IQCB1: variants seen among roughly 807,000 people sequenced by gnomAD.
The protein encoded by IQCB1 is IQ calmodulin-binding motif-containing protein 1.
A neutral mutation model predicts 84.4 loss-of-function variants in IQCB1; 56 were observed. That is an observed-to-expected ratio of 0.66 (90% CI 0.54 to 0.83). The LOEUF (loss-of-function observed/expected upper bound fraction) is 0.83. Ranked by LOEUF, IQCB1 falls within the 40% of genes least tolerant of loss-of-function variation. The probability of loss-of-function intolerance (pLI) is 0.00; values close to 1 mark genes in which losing one functional copy is unlikely to be tolerated. For synonymous variants in IQCB1, 210 were observed against 234.8 expected (o/e 0.89, Z 0.96); for missense variants, 629 against 682.1 (o/e 0.92, Z 0.87).
At chr3:121,786,179 A>AGAAAGAAAAGAAACGAAACGAAACGAAAC (rs1948718543) in intron 12 of IQCB1, among the ~76,000 whole-genome samples, 3 of 127,530 alleles carry the variant, frequency 2.4e-5, no homozygotes, top group Admixed American at 1.6e-4. Flanking sequence ...TCAAAAGAAA[A>AGAAAGAAAAGAAACGAAACGAAACGAAAC]GAAAAGAAAA....
At chr3:121,809,054 TC>T in intron 5 of IQCB1, 45 bp from the exon 6 acceptor site, 2 of 1,218,904 alleles carry the variant, frequency 1.6e-6, no homozygotes, top group Non-Finnish European at 2.4e-6. Flanking sequence ...ATAGTTTTTT[TC>T]CTTTTTTTTT....
At chr3:121,786,254 C>T (rs1469167822) in intron 12 of IQCB1, among the ~76,000 whole-genome samples, 2 of 144,830 alleles carry the variant, frequency 1.4e-5, no homozygotes, top group African/African-American at 2.6e-5. Flanking sequence ...CCTTTATTGA[C>T]TATTGCCTTG....
At chr3:121,807,469 G>T (rs774483600) in intron 6 of IQCB1, 26 bp from the exon 7 acceptor site, 3 of 1,122,578 alleles carry the variant, frequency 2.7e-6, no homozygotes, top group Non-Finnish European at 2.7e-6. Context: ...AAAAAAGAAA[G>T]ATTAAAGTAA....
Position 121,781,923 on chromosome 3 carries a change from A to G in IQCB1, c.1279-49T>C, listed in dbSNP as rs1469190667. On this transcript the variant is annotated intron_variant, in intron 12 of 14. Coordinates refer to ENST00000310864, the MANE Select transcript of IQCB1 (RefSeq NM_001023570.4). ...TTGTGATTTTTCTCCCCTAACTAAT[A>G]GAACTATTTTCTCACTACAACATAT... is the stretch of plus-strand genomic sequence containing the variant. The G allele has an allele frequency of 4.4e-6, 7 of 1,584,050 alleles. No homozygotes were observed. In the East Asian group the frequency reaches 1.6e-4, roughly 36 times the overall value.
chr3:121,772,336 C>T (rs1265034526), intron 14 of IQCB1, among the ~76,000 whole-genome samples: 1 of 152,110 alleles, frequency 6.6e-6, no homozygotes, highest in South Asian at 2.1e-4. Context: ...TGGGGTGACA[C>T]ATATGAATGA....
At chr3:121,824,039 T>G (rs1346997889) in intron 5 of IQCB1, among the ~76,000 whole-genome samples, 1 of 152,162 alleles carries the variant, frequency 6.6e-6, no homozygotes, top group Non-Finnish European at 1.5e-5. Context: ...AACAACAGCT[T>G]GTCAGACTAG....
intron 7 of IQCB1, among the ~76,000 whole-genome samples, chr3:121,803,662 C>G (rs1432768449): frequency 6.6e-6 from 1 of 152,140 alleles, no homozygotes; most frequent in East Asian, 1.9e-4. Flanking sequence ...TAAACACATC[C>G]TTTTGATGAA....
chr3:121,795,415 T>A, intron 10 of IQCB1, 42 bp downstream of exon 10: 1 of 988,738 alleles, frequency 1.0e-6, no homozygotes, highest in Non-Finnish European at 1.6e-6. Flanking sequence ...TGTACTCTAG[T>A]AAGATTCTAT....
At chr3:121,825,593 C>A (rs1400475792) in intron 5 of IQCB1, among the ~76,000 whole-genome samples, 1 of 152,044 alleles carries the variant, frequency 6.6e-6, no homozygotes, top group Non-Finnish European at 1.5e-5. Flanking sequence ...TGTATAGCAT[C>A]TAGCATAATG....
chr3:121,773,852 TTTC>T (rs1036301137), intron 13 of IQCB1, among the ~76,000 whole-genome samples: 4 of 152,002 alleles, frequency 2.6e-5, no homozygotes, highest in Non-Finnish European at 5.9e-5. Context: ...TTGGTGATGA[TTTC>T]TTCATACGAC....
At chr3:121,775,238 T>C (rs1948175469) in intron 13 of IQCB1, among the ~76,000 whole-genome samples, 1 of 152,270 alleles carries the variant, frequency 6.6e-6, no homozygotes, top group South Asian at 2.1e-4. Flanking sequence ...GCTAATATGA[T>C]TGATCAGCAC....
intron 10 of IQCB1, among the ~76,000 whole-genome samples, chr3:121,791,463 ATT>A (rs1275648237): frequency 6.6e-6 from 1 of 152,164 alleles, no homozygotes; most frequent in Non-Finnish European, 1.5e-5. Context: ...TAGAGAATTT[ATT>A]TGTTTTGAAA....
At chr3:121,807,101 T>C (rs1245095335) in intron 7 of IQCB1, among the ~76,000 whole-genome samples, 3 of 151,922 alleles carry the variant, frequency 2.0e-5, no homozygotes, top group Non-Finnish European at 4.4e-5. Context: ...TAATAATAAA[T>C]TTCCAGTCTT....
chr3:121,832,218 C>A (rs909766223), intron 2 of IQCB1, among the ~76,000 whole-genome samples: 1 of 151,984 alleles, frequency 6.6e-6, no homozygotes, highest in African/African-American at 2.4e-5. Context: ...TTTGCAGAAG[C>A]TTTTCATACA....
At chr3:121,786,708 T>C (rs1258368923) in intron 12 of IQCB1, among the ~76,000 whole-genome samples, 12 of 152,132 alleles carry the variant, frequency 7.9e-5, no homozygotes, top group Non-Finnish European at 5.9e-5. Context: ...CAATGGAAAG[T>C]ATAAAAGCCA....
Position 121,770,236 on chromosome 3 carries a change from C to G in IQCB1, c.*109G>C. ...ACTGCAGGTCTTGTCTGGAGGAGAA[C>G]CTCTGGAAAATAATAAGTTAGGATG... On this transcript the variant is annotated 3_prime_UTR_variant, in exon 15 of 15. Coordinates refer to ENST00000310864, the MANE Select transcript of IQCB1 (RefSeq NM_001023570.4). 1.4e-6 allele frequency: 1 copy of G among 734,848 alleles called. No individual in the cohort carries two copies. Among genetic ancestry groups the G allele is most frequent in the Non-Finnish European group, 2.4e-6 (1 of 421,102 alleles). The allele number at this position is 734,848 out of a possible 1,614,324, so 45.5% of individuals were successfully genotyped here.
intron 10 of IQCB1, among the ~76,000 whole-genome samples, chr3:121,793,225 G>C (rs538935601): frequency 7.6e-4 from 116 of 152,334 alleles, no homozygotes; most frequent in Middle Eastern, 3.4e-3. Context: ...TAGAGCAGCT[G>C]TTAGCCGCTT....
At chr3:121,782,611 C>T (rs1050294874) in intron 12 of IQCB1, among the ~76,000 whole-genome samples, 8 of 151,556 alleles carry the variant, frequency 5.3e-5, no homozygotes, top group African/African-American at 1.9e-4. Flanking sequence ...TTTAGTGGCA[C>T]GTAAAATTAT....
chr3:121,828,972 C>G lies in IQCB1; in HGVS notation c.-12G>C. 6.6e-7 allele frequency: 1 copy of G among 1,525,638 alleles called. No individual in the cohort carries two copies. Among genetic ancestry groups the G allele is most frequent in the Non-Finnish European group, 9.1e-7 (1 of 1,100,398 alleles). The allele number at this position is 1,525,638 out of a possible 1,614,324, so 94.5% of individuals were successfully genotyped here. A position where few individuals can be genotyped will look rare whatever the true frequency, so the allele number is the denominator to read the frequency against. On this transcript the variant is annotated splice_region_variant and 5_prime_UTR_variant, in exon 3 of 15. Coordinates refer to ENST00000310864, the MANE Select transcript of IQCB1 (RefSeq NM_001023570.4). ...CCTGTTGGCTTCATTTCTCTTATTA[C>G]CTATATTTTAACAGAATCAGAGAAT...
Sources: allele counts gnomAD v4.1 joint callset (sites outside exome capture counted in the v4.1 genomes callset), GRCh38; gene constraint gnomAD v4.1.1; transcripts MANE v1.5; gene names NCBI Gene and HGNC (gene_info 2026-07-23, HGNC 2026-07-21).